The following GSE1 variants were observed in gnomAD, a reference collection of about 807,000 sequenced individuals.
GSE1 encodes the protein genetic suppressor element 1.
A neutral mutation model predicts 112.6 loss-of-function variants in GSE1; 32 were observed. The observed-to-expected ratio is 0.28, with a 90% CI of 0.21 to 0.38. The LOEUF (loss-of-function observed/expected upper bound fraction) is 0.38. Ranked by LOEUF, GSE1 falls within the 10% of genes least tolerant of loss-of-function variation. The probability of loss-of-function intolerance (pLI) is 1.00; values close to 1 mark genes in which losing one functional copy is unlikely to be tolerated. For synonymous variants in GSE1, 1,115 were observed against 735.6 expected (o/e 1.52, Z -8.35); for missense variants, 2,348 against 1,699.2 (o/e 1.38, Z -6.71).
chr16:85,442,169 G>A (rs114250360), intron 2 of GSE1, among the ~76,000 whole-genome samples: 3,914 of 152,288 alleles, frequency 0.026, 154 homozygotes, highest in African/African-American at 0.09. Context: ...CGTCGTTTCA[G>A]GCCTCAGCTC....
intron 2 of GSE1, among the ~76,000 whole-genome samples, chr16:85,494,181 A>C (rs1197220955): frequency 1.3e-5 from 2 of 152,386 alleles, no homozygotes; most frequent in East Asian, 3.9e-4. Context: ...TCTGGAGGCC[A>C]CAAGTCTGAA....
chr16:85,581,924 G>A (rs913507341), intron 1 of GSE1: 1 of 152,208 alleles, frequency 6.6e-6, no homozygotes, highest in African/African-American at 2.4e-5. Context: ...CCAGCCAGAG[G>A]ATCTGGGGTG....
At chr16:85,421,579 G>C (rs1212978006) in intron 2 of GSE1, among the ~76,000 whole-genome samples, 4 of 152,212 alleles carry the variant, frequency 2.6e-5, no homozygotes, top group Admixed American at 2.0e-4. Flanking sequence ...GACCAGGCGG[G>C]GAGGAGAAGG....
rs774727300 is a variant in GSE1 at position 85,675,711 on chromosome 16, T to A, written c.*3172T>A. 3 of 152,208 alleles carry A rather than the reference T, an allele frequency of 2.0e-5. No homozygotes were observed. Among genetic ancestry groups the A allele is most frequent in the Non-Finnish European group, 4.4e-5 (3 of 68,030 alleles). 9.4% of individuals were successfully genotyped at this position (152,208 alleles called of 1,614,324 possible). ...ATCCTACCCCTTTCCCTGAGCCACA[T>A]GTTTCACACAAGTGTAGAAAATGCC... On this transcript the variant is annotated 3_prime_UTR_variant, in exon 16 of 16. Coordinates refer to ENST00000253458, the MANE Select transcript of GSE1 (RefSeq NM_014615.5).
intron 2 of GSE1, among the ~76,000 whole-genome samples, chr16:85,476,186 C>T (rs1198823074): frequency 1.3e-5 from 2 of 152,254 alleles, no homozygotes; most frequent in Non-Finnish European, 2.9e-5. Flanking sequence ...CCTGCCTGGG[C>T]CTCCCAGAGT....
intron 2 of GSE1, among the ~76,000 whole-genome samples, chr16:85,510,380 G>A (rs1031450776): frequency 7.2e-5 from 11 of 152,134 alleles, no homozygotes; most frequent in African/African-American, 1.9e-4. Flanking sequence ...CCGCTTCCCC[G>A]CAGCCCAGGA....
intron 1 of GSE1, among the ~76,000 whole-genome samples, chr16:85,342,481 G>A (rs944067264): frequency 1.3e-5 from 2 of 152,118 alleles, no homozygotes; most frequent in Non-Finnish European, 2.9e-5. Flanking sequence ...GCTCATCTGC[G>A]GTGGCCCACG....
chr16:85,173,748 G>A (rs977656773), intron 1 of GSE1, among the ~76,000 whole-genome samples: 1 of 152,212 alleles, frequency 6.6e-6, no homozygotes, highest in African/African-American at 2.4e-5. Context: ...AAGAACGCCA[G>A]GAAACAAGAA....
intron 1 of GSE1, among the ~76,000 whole-genome samples, chr16:85,173,261 C>T (rs998131183): frequency 6.6e-6 from 1 of 152,232 alleles, no homozygotes; most frequent in Non-Finnish European, 1.5e-5. Flanking sequence ...TCAGATAAGT[C>T]AGACAACACT....
upstream of GSE1, chr16:85,554,850 G>C (rs1051283398): frequency 7.1e-6 from 7 of 984,236 alleles, no homozygotes; most frequent in East Asian, 1.1e-4. Flanking sequence ...CCGGAGGGGG[G>C]GCCAGCGGCG....
chr16:85,181,430 C>T (rs776232599), intron 1 of GSE1, among the ~76,000 whole-genome samples: 3 of 152,162 alleles, frequency 2.0e-5, no homozygotes, highest in Non-Finnish European at 2.9e-5. Context: ...TTTCCCCTGC[C>T]CTGGAGTTCA....
intron 1 of GSE1, among the ~76,000 whole-genome samples, chr16:85,284,654 G>T (rs948366226): frequency 6.6e-6 from 1 of 152,238 alleles, no homozygotes; most frequent in Non-Finnish European, 1.5e-5. Context: ...AACGCCCGCT[G>T]CTGGGAGAGT....
intron 1 of GSE1, among the ~76,000 whole-genome samples, chr16:85,604,144 G>T (rs2151494340): frequency 6.6e-6 from 1 of 152,214 alleles, no homozygotes; most frequent in East Asian, 1.9e-4. Context: ...CACCCCAAAA[G>T]GAAACTCAGA....
In GSE1 at chr16:85,416,587, C is replaced by T. The variant is rs192791396; in HGVS notation, c.2464+58944C>T. Among the ~76,000 whole-genome samples the T allele has an allele frequency of 1.7e-4, 26 of 152,316 alleles. No homozygotes were observed. The East Asian group carries it at 4.8e-3, about 28-fold the overall frequency. The stretch of plus-strand genomic sequence containing the variant: ...GAGGGTGGCAACCTGTGGGGCCTGC[C>T]AGACTTTCAGGGGCCCATCACATCC... On this transcript the variant is annotated intron_variant, in intron 2 of 2. Coordinates refer to the GSE1 transcript ENST00000637419.
At chr16:85,446,083 C>G (rs188565424) in intron 2 of GSE1, among the ~76,000 whole-genome samples, 2 of 152,322 alleles carry the variant, frequency 1.3e-5, no homozygotes, top group African/African-American at 4.8e-5. Flanking sequence ...GTATCAGCGC[C>G]ATGAGCAGCC....
chr16:85,413,870 C>T lies in GSE1; in HGVS notation c.2464+56227C>T, dbSNP rs115795188. ...GGGGTGGTTTTCCTTGTACTGTTCT[C>T]GTGATAGTGAGTGAGTTCTCGTGAG... On this transcript the variant is annotated intron_variant, in intron 2 of 2. Coordinates refer to the GSE1 transcript ENST00000637419. Among the ~76,000 whole-genome samples, 544 of 152,228 alleles carry T rather than the reference C, an allele frequency of 3.6e-3. 2 individuals carry two copies. The highest frequency in any genetic ancestry group is 0.012 in the African/African-American group (511 of 41,532).
At position 85,661,257 on chromosome 16, in the gene GSE1, C is replaced by G. The variant is rs764103495; in HGVS notation, c.1752C>G (p.Leu584=). ...AGCTCCATGCTGCACCCACGGCCCT[C>G]TGGAACCCCGTGTCCCTGATGGACA... is the stretch of plus-strand genomic sequence containing the variant. The part of the protein sequence containing the change: ...KPQLHAAPTA[L]WNPVSLMDNT... Residue 584 remains leucine (L), a synonymous_variant, in exon 9 of 16, where the codon CTC becomes CTG. Coordinates refer to ENST00000253458, the MANE Select transcript of GSE1 (RefSeq NM_014615.5). The G allele has an allele frequency of 2.5e-6, 4 of 1,612,976 alleles. No individual in the cohort carries two copies. The highest frequency in any genetic ancestry group is 3.4e-6 in the Non-Finnish European group (4 of 1,179,990).
chr16:85,336,112 A>C (rs1160164435), intron 1 of GSE1, among the ~76,000 whole-genome samples: 1 of 152,122 alleles, frequency 6.6e-6, no homozygotes, highest in Non-Finnish European at 1.5e-5. Flanking sequence ...GTCCTCCTGG[A>C]AGCCTTGGTG....
chr16:85,357,623 G>A (rs2046976633), exon 2 of GSE1: 2 of 1,289,030 alleles, frequency 1.6e-6, no homozygotes, highest in Non-Finnish European at 2.0e-6. Flanking sequence ...GAGGAGGACG[G>A]ACCAGACCTT....
Sources: gnomAD v4.1 joint callset for allele counts (sites outside exome capture counted in the v4.1 genomes callset) on GRCh38, gnomAD v4.1.1 for gene constraint, MANE v1.5 for transcripts, NCBI Gene and HGNC (gene_info 2026-07-23, HGNC 2026-07-21) for gene names.